Variants in LRP1B observed in about 807,000 individuals in gnomAD.
LRP1B encodes LDL receptor related protein 1B, also known as low-density lipoprotein receptor-related protein 1B.
Under a neutral mutation model 556.6 loss-of-function variants are expected in LRP1B, and 217 were observed. The ratio of observed to expected loss-of-function variants is 0.39; its 90% CI spans 0.35 to 0.44. The LOEUF is 0.44. Ranked by LOEUF, LRP1B falls within the 20% of genes least tolerant of loss-of-function variation. LRP1B has a pLI of 1.00. For missense variants in LRP1B, 5,053 were observed against 5,620.8 expected, an observed-to-expected ratio of 0.90 and a Z score of 3.23; for synonymous variants, 2,047 against 1,865.8, an observed-to-expected ratio of 1.10 and a Z score of -2.50.
At chr2:141,857,973 A>T (rs951962698) in intron 1 of LRP1B, among the ~76,000 whole-genome samples, 3 of 152,162 alleles carry the variant, frequency 2.0e-5, no homozygotes, top group African/African-American at 7.2e-5. Flanking sequence ...GATTACCTGT[A>T]CCTGGATTAT....
intron 3 of LRP1B, among the ~76,000 whole-genome samples, chr2:141,273,308 CAA>C (rs990716503): frequency 1.4e-5 from 2 of 139,790 alleles, no homozygotes; most frequent in African/African-American, 5.3e-5. Context: ...GACTCCATCT[CAA>C]AAAAAAAAAG....
At chr2:141,347,274 A>T (rs16845855) in intron 3 of LRP1B, among the ~76,000 whole-genome samples, 27,067 of 151,968 alleles carry the variant, frequency 0.18, 3,225 homozygotes, top group East Asian at 0.46. Context: ...TTGTATTCTG[A>T]TAATGTTATA....
At chr2:141,840,250 A>G (rs1043624856) in intron 1 of LRP1B, among the ~76,000 whole-genome samples, 12 of 149,410 alleles carry the variant, frequency 8.0e-5, no homozygotes, top group African/African-American at 2.7e-4. Context: ...GTATTAGAAC[A>G]AATTTCCTTT....
At chr2:141,233,870 G>GTA (rs143475702) in intron 5 of LRP1B, among the ~76,000 whole-genome samples, 36 of 151,504 alleles carry the variant, frequency 2.4e-4, no homozygotes, top group East Asian at 5.8e-4. Context: ...TATAATAAAT[G>GTA]TATATATATA....
chr2:141,455,830 A>G (rs1681609482), intron 3 of LRP1B, among the ~76,000 whole-genome samples: 1 of 152,212 alleles, frequency 6.6e-6, no homozygotes, highest in Non-Finnish European at 1.5e-5. Context: ...AAAATGTGAA[A>G]TTTCATCAAG....
chr2:141,788,967 T>A (rs933349460), intron 2 of LRP1B, among the ~76,000 whole-genome samples: 2 of 152,040 alleles, frequency 1.3e-5, no homozygotes, highest in African/African-American at 2.4e-5. Flanking sequence ...AAGTCTTTGC[T>A]ATTGTGAATA....
intron 6 of LRP1B, among the ~76,000 whole-genome samples, chr2:141,202,537 T>C (rs1040219720): frequency 6.6e-6 from 1 of 152,066 alleles, no homozygotes; most frequent in Admixed American, 6.6e-5. Context: ...CCACCAACAG[T>C]GTATGAGTGT....
intron 18 of LRP1B, among the ~76,000 whole-genome samples, chr2:140,955,781 C>A (rs1043269830): frequency 6.6e-6 from 1 of 151,558 alleles, no homozygotes; most frequent in Non-Finnish European, 1.5e-5. Context: ...AACCAGTATA[C>A]AAAGCTTAGA....
intron 43 of LRP1B, among the ~76,000 whole-genome samples, chr2:140,549,644 T>C (rs1213137150): frequency 6.6e-6 from 1 of 152,198 alleles, no homozygotes; most frequent in East Asian, 1.9e-4. Flanking sequence ...TTTTCCCTAC[T>C]TTGCATCTGG....
intron 7 of LRP1B, among the ~76,000 whole-genome samples, chr2:141,090,014 C>G (rs1215350387): frequency 6.6e-6 from 1 of 152,072 alleles, no homozygotes; most frequent in African/African-American, 2.4e-5. Flanking sequence ...ATTAGGTGCC[C>G]AAGTGTAATC....
intron 7 of LRP1B, among the ~76,000 whole-genome samples, chr2:141,161,756 T>G (rs549177088): frequency 1.3e-5 from 2 of 152,204 alleles, no homozygotes; most frequent in Non-Finnish European, 2.9e-5. Flanking sequence ...AACTGTGGCA[T>G]TAGGAGATGG....
At chr2:141,083,847 G>A (rs1017832703) in intron 7 of LRP1B, among the ~76,000 whole-genome samples, 1 of 152,046 alleles carries the variant, frequency 6.6e-6, no homozygotes, top group Non-Finnish European at 1.5e-5. Flanking sequence ...CCCGACCTTG[G>A]ACTTCACAGT....
chr2:140,378,239 A>C lies in LRP1B; in HGVS notation c.10579T>G (p.Cys3527Gly). The C allele has an allele frequency of 2.5e-6, 4 of 1,613,836 alleles. No homozygotes were observed. The highest frequency in any genetic ancestry group is 3.4e-6 in the Non-Finnish European group (4 of 1,179,748). The change falls in exon 68 of 91, where the codon TGT (cysteine) becomes GGT (glycine). Residue 3527 changes from cysteine (C) to glycine (G), a missense_variant. By Grantham distance (159) the Cys-to-Gly change is radical. Transcript: ENST00000389484. The part of the protein sequence containing the change: ...LKDFLCANGD[C>G]VSSRFWCDGD... Reference sequence around the variant, plus strand: ...TCACACCAAAACCTTGAAGAAACACAGTCCCCATTGGCACAGAGGAAATCT... The same window carrying C: ...TCACACCAAAACCTTGAAGAAACACCGTCCCCATTGGCACAGAGGAAATCT...
At chr2:141,628,343 G>A (rs1196219271) in intron 2 of LRP1B, among the ~76,000 whole-genome samples, 1 of 152,092 alleles carries the variant, frequency 6.6e-6, no homozygotes, top group South Asian at 2.1e-4. Context: ...AAATTCATTA[G>A]TAGTCTTCTT....
intron 27 of LRP1B, among the ~76,000 whole-genome samples, chr2:140,864,317 A>G (rs1692885638): frequency 6.6e-6 from 1 of 152,056 alleles, no homozygotes; most frequent in Non-Finnish European, 1.5e-5. Flanking sequence ...ATTAATGAAT[A>G]AATAAATAAA....
At chr2:140,347,872 TG>T (rs1681764038) in intron 77 of LRP1B, among the ~76,000 whole-genome samples, 1 of 152,024 alleles carries the variant, frequency 6.6e-6, no homozygotes, top group Non-Finnish European at 1.5e-5. Context: ...ACTTAGAAGA[TG>T]AATTAGATTG....
chr2:140,296,090 G>T (rs1266104624), intron 84 of LRP1B, among the ~76,000 whole-genome samples: 1 of 152,162 alleles, frequency 6.6e-6, no homozygotes, highest in African/African-American at 2.4e-5. Context: ...TACAGATTGA[G>T]CATCTCTAAT....
chr2:140,750,675 T>A (rs935896625), intron 35 of LRP1B, among the ~76,000 whole-genome samples: 1 of 152,194 alleles, frequency 6.6e-6, no homozygotes, highest in Non-Finnish European at 1.5e-5. Context: ...GGGCATATCA[T>A]TTATCAGTCT....
intron 84 of LRP1B, among the ~76,000 whole-genome samples, chr2:140,288,179 T>C (rs978576367): frequency 6.7e-6 from 1 of 149,898 alleles, no homozygotes; most frequent in Admixed American, 6.7e-5. Flanking sequence ...CAGCTGACAA[T>C]GACATACTGA....
Sources: gnomAD v4.1 joint callset for allele counts (sites outside exome capture counted in the v4.1 genomes callset) on GRCh38, gnomAD v4.1.1 for gene constraint, MANE v1.5 for transcripts, NCBI Gene and HGNC (gene_info 2026-07-23, HGNC 2026-07-21) for gene names.